The following ACTR3C variants were observed in gnomAD, a reference collection of about 807,000 sequenced individuals.
ACTR3C encodes the protein actin-related protein 3C.
Under a neutral mutation model 26.3 loss-of-function variants are expected in ACTR3C, and 18 were observed. That is an observed-to-expected ratio of 0.68 (90% confidence interval 0.47 to 1.01). ACTR3C has a LOEUF of 1.01. ACTR3C is among the 50% of genes least tolerant of loss of function. ACTR3C has a pLI of 0.00. For missense variants in ACTR3C, 184 were observed against 250.7 expected (o/e 0.73, Z 1.80); for synonymous variants, 55 against 94.5 (o/e 0.58, Z 2.42).
chr7:149,919,008 G>T, the ACTR3C span, among the ~76,000 whole-genome samples: 1 of 152,182 alleles, frequency 6.6e-6, no homozygotes, highest in African/African-American at 2.4e-5. Flanking sequence ...CTGGGCACTT[G>T]CTCCTCCCTG....
At chr7:149,963,334 G>T in the ACTR3C span, among the ~76,000 whole-genome samples, 3 of 152,072 alleles carry the variant, frequency 2.0e-5, no homozygotes, top group Non-Finnish European at 4.4e-5. Context: ...CATTTTTCTC[G>T]GTTTATCTAC....
chr7:150,043,961 C>T, the ACTR3C span, among the ~76,000 whole-genome samples: 3 of 152,246 alleles, frequency 2.0e-5, no homozygotes, highest in African/African-American at 2.4e-5. Context: ...GAAGACATAG[C>T]GGATGATGAA....
At chr7:150,094,736 C>T in the ACTR3C span, among the ~76,000 whole-genome samples, 15 of 150,882 alleles carry the variant, frequency 9.9e-5, no homozygotes, top group East Asian at 7.7e-4. Flanking sequence ...AAGTCCCTCA[C>T]GGAGCTCAGC....
chr7:150,061,450 T>C, the ACTR3C span, among the ~76,000 whole-genome samples: 1 of 150,228 alleles, frequency 6.7e-6, no homozygotes, highest in African/African-American at 2.5e-5. Flanking sequence ...AGCTAGGACA[T>C]CAAGAGATCC....
At chr7:150,315,563 C>T (rs1027840558) in intron 1 of ACTR3C, among the ~76,000 whole-genome samples, 15 of 152,164 alleles carry the variant, frequency 9.9e-5, no homozygotes, top group Non-Finnish European at 2.2e-4. Context: ...TAGCATTCAA[C>T]ATATTTTATT....
At chr7:150,193,873 C>G in the ACTR3C span, among the ~76,000 whole-genome samples, 2 of 151,542 alleles carry the variant, frequency 1.3e-5, no homozygotes, top group African/African-American at 2.4e-5. Context: ...TTCTTGCATA[C>G]TAACTTACAA....
the ACTR3C span, among the ~76,000 whole-genome samples, chr7:150,221,882 T>C: frequency 3.3e-5 from 5 of 151,222 alleles, no homozygotes; most frequent in Admixed American, 2.0e-4. Flanking sequence ...CCGGTAGTCC[T>C]AGCTACTCGG....
the ACTR3C span, among the ~76,000 whole-genome samples, chr7:149,991,520 A>G: frequency 0.014 from 2,083 of 152,300 alleles, 48 homozygotes; most frequent in African/African-American, 0.046. Flanking sequence ...ATCCCAGGCT[A>G]GTTGTGCCTG....
chr7:150,040,145 A>C, the ACTR3C span, among the ~76,000 whole-genome samples: 1 of 132,590 alleles, frequency 7.5e-6, no homozygotes, highest in South Asian at 2.3e-4. Flanking sequence ...GGGCCTTTAT[A>C]TTCAGGTTTT....
At chr7:150,169,178 A>G in the ACTR3C span, among the ~76,000 whole-genome samples, 2 of 150,098 alleles carry the variant, frequency 1.3e-5, no homozygotes, top group Non-Finnish European at 2.9e-5. Flanking sequence ...TCAGGAGATC[A>G]AGACCATCCT....
At chr7:149,961,587 G>C in the ACTR3C span, among the ~76,000 whole-genome samples, 1 of 151,592 alleles carries the variant, frequency 6.6e-6, no homozygotes, top group African/African-American at 2.4e-5. Context: ...GCATAGATAA[G>C]AAGTGTGTGC....
chr7:149,927,570 A>C, the ACTR3C span, among the ~76,000 whole-genome samples: 3 of 152,070 alleles, frequency 2.0e-5, no homozygotes, highest in Non-Finnish European at 4.4e-5. Context: ...CTCTATTAAA[A>C]ATACAAAATT....
the ACTR3C span, among the ~76,000 whole-genome samples, chr7:150,050,756 C>T: frequency 6.6e-6 from 1 of 152,000 alleles, no homozygotes; most frequent in Non-Finnish European, 1.5e-5. Context: ...AATTGAAAAG[C>T]GCTTGGCTAT....
the ACTR3C span, among the ~76,000 whole-genome samples, chr7:150,231,001 A>G: frequency 6.6e-6 from 1 of 151,892 alleles, no homozygotes; most frequent in Non-Finnish European, 1.5e-5. Flanking sequence ...TTTCTGCTCT[A>G]ATTTTTTTAT....
intron 1 of ACTR3C, among the ~76,000 whole-genome samples, chr7:150,297,768 C>T (rs1317613636): frequency 2.0e-5 from 3 of 149,336 alleles, no homozygotes; most frequent in African/African-American, 5.0e-5. Context: ...AGGAGAATTG[C>T]TTGAACGTGG....
intron 6 of ACTR3C, among the ~76,000 whole-genome samples, chr7:150,266,779 A>G (rs1451234550): frequency 1.3e-5 from 2 of 152,250 alleles, no homozygotes; most frequent in African/African-American, 4.8e-5. Context: ...TGGACATTTC[A>G]CAGAAGAAAA....
At chr7:150,151,386 T>C in the ACTR3C span, among the ~76,000 whole-genome samples, 2 of 138,154 alleles carry the variant, frequency 1.4e-5, no homozygotes, top group African/African-American at 2.5e-5. Flanking sequence ...TATATTAATT[T>C]ATTTCTATAA....
chr7:149,881,401 G>T, the ACTR3C span: 1 of 153,162 alleles, frequency 6.5e-6, no homozygotes, highest in Non-Finnish European at 1.5e-5. Flanking sequence ...GAAGTGGTGA[G>T]GACAGAGAAG....
the ACTR3C span, among the ~76,000 whole-genome samples, chr7:150,048,639 G>A: frequency 6.6e-6 from 1 of 151,246 alleles, no homozygotes; most frequent in African/African-American, 2.4e-5. Flanking sequence ...AGCCGGCCCC[G>A]GGGCGCCCCA....
Sources: gnomAD v4.1 joint callset for allele counts (sites outside exome capture counted in the v4.1 genomes callset) on GRCh38, gnomAD v4.1.1 for gene constraint, MANE v1.5 for transcripts, NCBI Gene and HGNC (gene_info 2026-07-23, HGNC 2026-07-21) for gene names.